The following LRMDA variants were observed in gnomAD, a reference collection of about 807,000 sequenced individuals.
The protein encoded by LRMDA is leucine-rich melanocyte differentiation-associated protein.
LRMDA carries 18 observed loss-of-function variants against 29.8 expected under a neutral mutation model. The observed-to-expected ratio is 0.60, with a 90% CI of 0.42 to 0.90. The LOEUF is 0.90. LRMDA is among the 40% of genes least tolerant of loss of function. The pLI is 0.00. For missense variants in LRMDA, 273 were observed against 273.9 expected, an observed-to-expected ratio of 1.00 and a Z score of 0.02; for synonymous variants, 125 against 109.4, an observed-to-expected ratio of 1.14 and a Z score of -0.89.
chr10:76,024,379 T>A (rs1848026906), intron 2 of LRMDA, among the ~76,000 whole-genome samples: 1 of 152,160 alleles, frequency 6.6e-6, no homozygotes, highest in African/African-American at 2.4e-5. Context: ...CATGAGAGGA[T>A]CTGGAAAGCA....
chr10:75,592,152 G>T (rs113429983), intron 2 of LRMDA, among the ~76,000 whole-genome samples: 2,507 of 152,108 alleles, frequency 0.016, 26 homozygotes, highest in Non-Finnish European at 0.028. Context: ...GGGGTGCAAG[G>T]GCCCTTTGTT....
intron 2 of LRMDA, among the ~76,000 whole-genome samples, chr10:75,483,148 C>T (rs745384814): frequency 2.4e-4 from 36 of 151,984 alleles, no homozygotes; most frequent in Admixed American, 9.8e-4. Context: ...GGTTTTACCA[C>T]GTTACCCAGG....
chr10:76,429,677 C>A (rs536846662), intron 6 of LRMDA, among the ~76,000 whole-genome samples: 2 of 152,250 alleles, frequency 1.3e-5, no homozygotes, highest in African/African-American at 4.8e-5. Flanking sequence ...CAAATGGGAG[C>A]ACATCGTAAG....
intron 6 of LRMDA, among the ~76,000 whole-genome samples, chr10:76,520,819 A>G (rs1229910600): frequency 1.3e-5 from 2 of 152,104 alleles, no homozygotes; most frequent in Admixed American, 1.3e-4. Flanking sequence ...CTTTCTGTTT[A>G]TTAAAATTTG....
In LRMDA at chr10:76,557,327, A is replaced by G; in HGVS notation, c.*39A>G. 6.7e-7 allele frequency: 1 copy of G among 1,495,262 alleles called. No individual in the cohort carries two copies. Among genetic ancestry groups the G allele is most frequent in the Non-Finnish European group, 9.3e-7 (1 of 1,076,424 alleles). The allele number at this position is 1,495,262 out of a possible 1,614,324, so 92.6% of individuals were successfully genotyped here. A position where few individuals can be genotyped will look rare whatever the true frequency, so the allele number is the denominator to read the frequency against. On this transcript the variant is annotated 3_prime_UTR_variant, in exon 7 of 7. Coordinates refer to ENST00000611255, the MANE Select transcript of LRMDA (RefSeq NM_001305581.2). Reference sequence around the variant, plus strand: ...ATACCTTCACCCATTTCATGAAAATAAAATCAAAAGGGAAATCAAAAATAA... The same window carrying G: ...ATACCTTCACCCATTTCATGAAAATGAAATCAAAAGGGAAATCAAAAATAA...
intron 2 of LRMDA, among the ~76,000 whole-genome samples, chr10:75,905,330 G>T (rs769034651): frequency 7.6e-5 from 11 of 145,422 alleles, no homozygotes; most frequent in Non-Finnish European, 1.6e-4. Flanking sequence ...TTTTTAAAAA[G>T]ATTCTCCCTA....
At chr10:75,472,542 A>G (rs906402740) in intron 2 of LRMDA, among the ~76,000 whole-genome samples, 13 of 152,198 alleles carry the variant, frequency 8.5e-5, no homozygotes, top group African/African-American at 2.4e-5. Context: ...ATTCCCTTTT[A>G]TGATCAGTGT....
intron 5 of LRMDA, among the ~76,000 whole-genome samples, chr10:76,196,468 C>T (rs931728252): frequency 4.6e-5 from 7 of 152,206 alleles, no homozygotes; most frequent in African/African-American, 1.7e-4. Context: ...TTCAGAGCTG[C>T]CACGTGGCAG....
intron 5 of LRMDA, among the ~76,000 whole-genome samples, chr10:76,071,878 A>C (rs1848881388): frequency 6.6e-6 from 1 of 152,240 alleles, no homozygotes; most frequent in Admixed American, 6.5e-5. Flanking sequence ...CTTTTCTTAC[A>C]TGACATTTAA....
intron 2 of LRMDA, among the ~76,000 whole-genome samples, chr10:75,691,107 GATCTAT>G (rs1842144123): frequency 3.4e-5 from 2 of 58,230 alleles, no homozygotes; most frequent in Non-Finnish European, 5.7e-5. Context: ...TAGATATATA[GATCTAT>G]ATATCTATAT....
chr10:76,460,843 T>A (rs1004181354), intron 6 of LRMDA, among the ~76,000 whole-genome samples: 1 of 152,124 alleles, frequency 6.6e-6, no homozygotes, highest in Admixed American at 6.5e-5. Flanking sequence ...CTTCCCTCCA[T>A]AGGGGAGGGT....
intron 2 of LRMDA, among the ~76,000 whole-genome samples, chr10:75,847,394 A>C (rs550000635): frequency 1.7e-4 from 23 of 136,216 alleles, no homozygotes; most frequent in South Asian, 5.4e-4. Context: ...TTAGGGTCTA[A>C]AACTATAAAA....
chr10:76,548,640 G>A (rs995615139), intron 6 of LRMDA, among the ~76,000 whole-genome samples: 4 of 151,968 alleles, frequency 2.6e-5, no homozygotes, highest in African/African-American at 7.2e-5. Context: ...ATAGAGGTAG[G>A]AGCCAAAAAA....
chr10:75,527,933 G>A (rs1845432680), intron 2 of LRMDA, among the ~76,000 whole-genome samples: 1 of 151,818 alleles, frequency 6.6e-6, no homozygotes, highest in African/African-American at 2.4e-5. Flanking sequence ...ATAGGCACAT[G>A]CCACCATACC....
intron 6 of LRMDA, among the ~76,000 whole-genome samples, chr10:76,492,159 AG>A (rs1842839788): frequency 6.6e-6 from 1 of 152,090 alleles, no homozygotes; most frequent in Admixed American, 6.6e-5. Context: ...TCTGTCTGAA[AG>A]GTCACATAGC....
At chr10:75,570,189 A>G (rs1453930812) in intron 2 of LRMDA, among the ~76,000 whole-genome samples, 2 of 152,218 alleles carry the variant, frequency 1.3e-5, no homozygotes, top group East Asian at 3.9e-4. Context: ...CTTTTTCCTC[A>G]TCTATAAAAT....
intron 2 of LRMDA, among the ~76,000 whole-genome samples, chr10:75,581,274 T>G (rs1433319032): frequency 2.6e-5 from 4 of 152,292 alleles, no homozygotes; most frequent in African/African-American, 9.6e-5. Flanking sequence ...CAGACACTTC[T>G]CAAAAGAAGA....
chr10:76,362,233 C>T (rs1373569360), intron 6 of LRMDA, among the ~76,000 whole-genome samples: 1 of 152,194 alleles, frequency 6.6e-6, no homozygotes, highest in African/African-American at 2.4e-5. Flanking sequence ...AGCTGACATT[C>T]AAGGCACAAA....
intron 6 of LRMDA, among the ~76,000 whole-genome samples, chr10:76,451,877 G>C (rs184924379): frequency 2.6e-5 from 4 of 151,392 alleles, no homozygotes; most frequent in Non-Finnish European, 5.9e-5. Flanking sequence ...GGCTGGTCTC[G>C]ATCTCCCGAC....
Sources: gnomAD v4.1 joint callset for allele counts (sites outside exome capture counted in the v4.1 genomes callset) on GRCh38, gnomAD v4.1.1 for gene constraint, MANE v1.5 for transcripts, NCBI Gene and HGNC (gene_info 2026-07-23, HGNC 2026-07-21) for gene names.